RAD51B: variants seen among roughly 807,000 people sequenced by gnomAD.
RAD51B encodes DNA repair protein RAD51 homolog 2.
In RAD51B, 38 loss-of-function variants were observed where a neutral mutation model predicts 42.2. That is an observed-to-expected ratio of 0.90 (90% CI 0.70 to 1.18). RAD51B has a LOEUF of 1.18. Ranked by LOEUF, RAD51B falls within the 50% of genes most tolerant of loss-of-function variation. The pLI, the probability that RAD51B is intolerant of heterozygous loss-of-function variation, is 0.00. For synonymous variants in RAD51B, 154 were observed against 145.2 expected (o/e 1.06, Z -0.43); for missense variants, 373 against 400.7 (o/e 0.93, Z 0.59).
intron 7 of RAD51B, among the ~76,000 whole-genome samples, chr14:68,179,854 A>G (rs1240468131): frequency 6.6e-6 from 1 of 152,194 alleles, no homozygotes; most frequent in Non-Finnish European, 1.5e-5. Context: ...TAGGAGTGGT[A>G]TGCCTTACAT....
At chr14:68,178,578 G>C (rs1226202446) in intron 7 of RAD51B, among the ~76,000 whole-genome samples, 1 of 152,090 alleles carries the variant, frequency 6.6e-6, no homozygotes, top group African/African-American at 2.4e-5. Context: ...TTTGTTAAAA[G>C]TTTGAAGCCC....
intron 10 of RAD51B, among the ~76,000 whole-genome samples, chr14:68,510,459 A>G (rs1465080304): frequency 1.3e-5 from 2 of 152,216 alleles, no homozygotes; most frequent in African/African-American, 2.4e-5. Flanking sequence ...CACAAAGTGT[A>G]TGGAGCGCCA....
intron 7 of RAD51B, among the ~76,000 whole-genome samples, chr14:68,119,502 C>A (rs1397611709): frequency 8.2e-6 from 1 of 121,284 alleles, no homozygotes; most frequent in East Asian, 2.5e-4. Flanking sequence ...CAGAGTGTGA[C>A]GTTCCCCTTC....
chr14:68,179,371 C>G (rs1053828095), intron 7 of RAD51B, among the ~76,000 whole-genome samples: 2 of 151,950 alleles, frequency 1.3e-5, no homozygotes, highest in Admixed American at 1.3e-4. Context: ...TTAAATTTAC[C>G]TTTTATTTTT....
chr14:68,146,441 C>T (rs1207047245), intron 7 of RAD51B, among the ~76,000 whole-genome samples: 1 of 151,926 alleles, frequency 6.6e-6, no homozygotes, highest in Non-Finnish European at 1.5e-5. Flanking sequence ...ACGGCCCCCT[C>T]CCCCACAAAA....
chr14:68,465,944 A>AT (rs2085965987), intron 9 of RAD51B, among the ~76,000 whole-genome samples: 5 of 58,538 alleles, frequency 8.5e-5, no homozygotes, highest in South Asian at 4.3e-4. Flanking sequence ...CTGTCTCAAA[A>AT]AAAAAAAAAA....
intron 7 of RAD51B, among the ~76,000 whole-genome samples, chr14:68,219,024 T>TA (rs2140959156): frequency 6.6e-6 from 1 of 152,346 alleles, no homozygotes; most frequent in African/African-American, 2.4e-5. Flanking sequence ...ACAGCAGAGA[T>TA]ACTTTCATAT....
intron 7 of RAD51B, among the ~76,000 whole-genome samples, chr14:68,082,528 A>T (rs2076927748): frequency 6.6e-6 from 1 of 151,884 alleles, no homozygotes; most frequent in Non-Finnish European, 1.5e-5. Flanking sequence ...TGTATGTGAG[A>T]ATGAATGGAT....
chr14:68,525,028 A>G (rs957534597), intron 10 of RAD51B, among the ~76,000 whole-genome samples: 1 of 144,870 alleles, frequency 6.9e-6, no homozygotes, highest in Non-Finnish European at 1.6e-5. Context: ...GAATTAAGGA[A>G]GCAAAAAAGG....
chr14:68,649,974 T>C (rs1892666947), intron 10 of RAD51B, among the ~76,000 whole-genome samples: 2 of 152,204 alleles, frequency 1.3e-5, no homozygotes, highest in Admixed American at 1.3e-4. Flanking sequence ...GGTGGTGGCC[T>C]GGGCTGCAGG....
At chr14:68,341,192 A>C (rs2082564389) in intron 8 of RAD51B, among the ~76,000 whole-genome samples, 1 of 152,240 alleles carries the variant, frequency 6.6e-6, no homozygotes, top group African/African-American at 2.4e-5. Flanking sequence ...GTAATGCAAA[A>C]AATGCATGAT....
At chr14:68,344,736 A>G (rs564051837) in intron 8 of RAD51B, among the ~76,000 whole-genome samples, 1 of 152,216 alleles carries the variant, frequency 6.6e-6, no homozygotes, top group African/African-American at 2.4e-5. Flanking sequence ...TCACGAGGTC[A>G]GGAGTTCGAG....
intron 9 of RAD51B, among the ~76,000 whole-genome samples, chr14:68,450,608 C>G (rs949927014): frequency 6.6e-6 from 1 of 152,178 alleles, no homozygotes; most frequent in African/African-American, 2.4e-5. Flanking sequence ...AGATACCACA[C>G]TCTGTTCTGT....
At chr14:68,460,512 T>C (rs1355222175) in intron 9 of RAD51B, among the ~76,000 whole-genome samples, 1 of 152,106 alleles carries the variant, frequency 6.6e-6, no homozygotes, top group Non-Finnish European at 1.5e-5. Context: ...GTTCCTGACA[T>C]CTCTGTGCTG....
At chr14:68,394,500 ATTTTTGT>A (rs55816011) in intron 8 of RAD51B, among the ~76,000 whole-genome samples, 21,842 of 151,974 alleles carry the variant, frequency 0.14, 1,828 homozygotes, top group East Asian at 0.39. Context: ...CCACCAACTC[ATTTTTGT>A]TTTTCTCAGC....
intron 7 of RAD51B, among the ~76,000 whole-genome samples, chr14:68,057,608 A>G (rs2076497822): frequency 6.6e-6 from 1 of 152,146 alleles, no homozygotes; most frequent in Non-Finnish European, 1.5e-5. Flanking sequence ...GAATTGGAAA[A>G]TTATTGTTCA....
intron 7 of RAD51B, among the ~76,000 whole-genome samples, chr14:67,965,863 G>A (rs1595177226): frequency 6.6e-6 from 1 of 152,024 alleles, no homozygotes; most frequent in Non-Finnish European, 1.5e-5. Flanking sequence ...AATAAACCAC[G>A]TGCATAGACC....
intron 7 of RAD51B, among the ~76,000 whole-genome samples, chr14:68,057,100 AAAAC>A (rs1304939020): frequency 3.4e-4 from 51 of 152,144 alleles, no homozygotes; most frequent in South Asian, 1.5e-3. Context: ...AAAAAAAAAA[AAAAC>A]AAAGGAAGAA....
At chr14:68,367,201 A>T (rs1380207125) in intron 8 of RAD51B, among the ~76,000 whole-genome samples, 1 of 152,240 alleles carries the variant, frequency 6.6e-6, no homozygotes, top group East Asian at 1.9e-4. Flanking sequence ...ATGGCCACTT[A>T]ATAAAACTGT....
Sources: allele counts gnomAD v4.1 joint callset (sites outside exome capture counted in the v4.1 genomes callset), GRCh38; gene constraint gnomAD v4.1.1; transcripts MANE v1.5; gene names NCBI Gene and HGNC (gene_info 2026-07-23, HGNC 2026-07-21).